Variants in MYO1B observed in about 807,000 individuals in gnomAD.
The protein encoded by MYO1B is unconventional myosin-Ib.
A neutral mutation model predicts 159.7 loss-of-function variants in MYO1B; 72 were observed. The observed-to-expected ratio is 0.45, with a 90% CI of 0.37 to 0.55. MYO1B has a LOEUF of 0.55. Ranked by LOEUF, MYO1B falls within the 20% of genes least tolerant of loss-of-function variation. MYO1B has a pLI of 0.00. For missense variants in MYO1B, 1,062 were observed against 1,364.8 expected (o/e 0.78, Z 3.50); for synonymous variants, 468 against 473.8 (o/e 0.99, Z 0.16).
chr2:191,398,901 A>G (rs1696395405), intron 21 of MYO1B, among the ~76,000 whole-genome samples: 1 of 152,260 alleles, frequency 6.6e-6, no homozygotes, highest in East Asian at 1.9e-4. Flanking sequence ...GCTCTTTGGG[A>G]GGCCAAGGCA....
In MYO1B at chr2:191,250,355, C is replaced by T. The variant is rs78810536; in HGVS notation, c.-10+4729C>T. Among the ~76,000 whole-genome samples the T allele has an allele frequency of 3.0e-3, 457 of 152,182 alleles. 7 individuals carry two copies. The highest frequency in any genetic ancestry group is 4.6e-3 in the East Asian group (24 of 5,178). On this transcript the variant is annotated intron_variant, in intron 1 of 30. Transcript: ENST00000392318. ...CAGGTTCAGAACCCTGACTGAGGTCCAAAAAATGATATATAAACTACCATT... is the reference window on the plus strand; with the variant it reads ...CAGGTTCAGAACCCTGACTGAGGTCTAAAAAATGATATATAAACTACCATT...
At chr2:191,367,708 ATGGTGTTTTGAAATTATG>A (rs948539843) in intron 11 of MYO1B, among the ~76,000 whole-genome samples, 4 of 152,218 alleles carry the variant, frequency 2.6e-5, no homozygotes, top group African/African-American at 7.2e-5. Context: ...TTACAAAAAC[ATGGTGTTTTGAAATTATG>A]TGGTGTTTTG....
At chr2:191,251,229 C>T (rs193008698) in intron 1 of MYO1B, among the ~76,000 whole-genome samples, 98 of 152,270 alleles carry the variant, frequency 6.4e-4, no homozygotes, top group Middle Eastern at 6.8e-3. Flanking sequence ...AGTTTCAGGG[C>T]GTTTGTCTGA....
chr2:191,354,670 G>A (rs540483100), intron 7 of MYO1B, among the ~76,000 whole-genome samples: 6 of 152,270 alleles, frequency 3.9e-5, no homozygotes, highest in Admixed American at 3.9e-4. Flanking sequence ...AAGTTTGGGT[G>A]TTTCACAGTA....
intron 3 of MYO1B, among the ~76,000 whole-genome samples, chr2:191,300,910 G>C (rs867521089): frequency 3.3e-5 from 5 of 151,926 alleles, no homozygotes; most frequent in Admixed American, 2.0e-4. Flanking sequence ...ATTCCATTTT[G>C]TATAAGTATA....
At chr2:191,408,944 A>C in intron 25 of MYO1B, 100 bp from the exon 26 acceptor site, 1 of 1,288,612 alleles carries the variant, frequency 7.8e-7, no homozygotes, top group South Asian at 1.6e-5. Flanking sequence ...AAGTTAAATA[A>C]ATTCTACTAT....
At chr2:191,368,434 T>G (rs1694148934) in intron 11 of MYO1B, among the ~76,000 whole-genome samples, 1 of 152,180 alleles carries the variant, frequency 6.6e-6, no homozygotes, top group East Asian at 1.9e-4. Context: ...GTATTAAACA[T>G]CTCATTAGTA....
At chr2:191,357,599 T>A (rs1693384895) in intron 7 of MYO1B, among the ~76,000 whole-genome samples, 1 of 152,226 alleles carries the variant, frequency 6.6e-6, no homozygotes, top group South Asian at 2.1e-4. Context: ...TAATAACTCT[T>A]CTTTACTAAG....
At chr2:191,308,216 G>C (rs1462206826) in intron 3 of MYO1B, among the ~76,000 whole-genome samples, 1 of 152,164 alleles carries the variant, frequency 6.6e-6, no homozygotes, top group Non-Finnish European at 1.5e-5. Flanking sequence ...CTGTTACCCA[G>C]GAAATTCCAA....
chr2:191,404,981 T>C (rs1696827253), intron 24 of MYO1B, among the ~76,000 whole-genome samples: 1 of 152,218 alleles, frequency 6.6e-6, no homozygotes, highest in Non-Finnish European at 1.5e-5. Context: ...CTTCCTTTCC[T>C]GAAAGATTTC....
rs1280401068 is a variant in MYO1B at position 191,245,641 on chromosome 2, T to C, written c.-10+15T>C. On this transcript the variant is annotated intron_variant, in intron 1 of 30. Transcript: ENST00000392318. ...CGCCAGGCGAGGTAGCGCGAGCGCT[T>C]TCTCTCTCTCTCCCCTGCCCTTCCC... The C allele has an allele frequency of 6.6e-6, 1 of 151,782 alleles. No individual in the cohort carries two copies. Among genetic ancestry groups the C allele is most frequent in the Non-Finnish European group, 1.5e-5 (1 of 67,934 alleles). The allele number at this position is 151,782 out of a possible 1,614,324, so 9.4% of individuals were successfully genotyped here. A position where few individuals can be genotyped will look rare whatever the true frequency, so the allele number is the denominator to read the frequency against.
At chr2:191,297,253 C>T (rs984083028) in intron 3 of MYO1B, among the ~76,000 whole-genome samples, 10 of 152,312 alleles carry the variant, frequency 6.6e-5, no homozygotes, top group African/African-American at 2.2e-4. Flanking sequence ...GCCTCCTCTC[C>T]TGTGGGCATG....
intron 11 of MYO1B, among the ~76,000 whole-genome samples, chr2:191,369,119 G>T (rs1424314261): frequency 6.6e-6 from 1 of 152,168 alleles, no homozygotes; most frequent in Non-Finnish European, 1.5e-5. Flanking sequence ...TAAGTAGACA[G>T]TTGTTTAATT....
intron 17 of MYO1B, chr2:191,387,693 G>T: frequency 1.8e-6 from 1 of 545,072 alleles, no homozygotes; most frequent in Non-Finnish European, 3.3e-6. Context: ...AAACTCAGTG[G>T]TTGAGACCTA....
rs551169413 is a variant in MYO1B, at chr2:191,398,423, A to ACCC, written c.2295+1933_2295+1935dup. Reference sequence around the variant, plus strand: ...GGGCGGCTGGCCGGGCGGGGGGCTGACCCCCCCCCACCTCCCTCCCGGACG... The same window carrying ACCC: ...GGGCGGCTGGCCGGGCGGGGGGCTGACCCCCCCCCCCCACCTCCCTCCCGGACG... On this transcript the variant is annotated intron_variant, in intron 21 of 30. Coordinates refer to ENST00000392318, the MANE Select transcript of MYO1B (RefSeq NM_001130158.3). Among the ~76,000 whole-genome samples, 58 of 105,028 alleles carry ACCC rather than the reference A, an allele frequency of 5.5e-4. 1 individual carries two copies. Among genetic ancestry groups the ACCC allele is most frequent in the African/African-American group, 1.9e-3 (51 of 27,096 alleles). 68.9% of individuals were successfully genotyped at this position (105,028 alleles called of 152,430 possible). A position where few individuals can be genotyped will look rare whatever the true frequency, so the allele number is the denominator to read the frequency against.
At chr2:191,290,278 T>C (rs1204779917) in intron 2 of MYO1B, among the ~76,000 whole-genome samples, 1 of 152,220 alleles carries the variant, frequency 6.6e-6, no homozygotes, top group Non-Finnish European at 1.5e-5. Flanking sequence ...CCATTGTTTC[T>C]CTGCTTGCAG....
At chr2:191,415,442 G>C (rs1437282927) in intron 29 of MYO1B, among the ~76,000 whole-genome samples, 1 of 152,096 alleles carries the variant, frequency 6.6e-6, no homozygotes, top group African/African-American at 2.4e-5. Flanking sequence ...TAACTTAAAG[G>C]GGGCATATCA....
At chr2:191,403,353 C>T (rs561996203) in intron 24 of MYO1B, among the ~76,000 whole-genome samples, 1 of 152,282 alleles carries the variant, frequency 6.6e-6, no homozygotes, top group Non-Finnish European at 1.5e-5. Flanking sequence ...GTAGGGTACA[C>T]TTATGTGTAC....
intron 2 of MYO1B, among the ~76,000 whole-genome samples, chr2:191,295,383 A>C (rs1688922413): frequency 6.6e-6 from 1 of 152,202 alleles, no homozygotes; most frequent in Non-Finnish European, 1.5e-5. Flanking sequence ...AGTTTAGTAC[A>C]TGCTAAAATA....
Sources: allele counts gnomAD v4.1 joint callset (sites outside exome capture counted in the v4.1 genomes callset), GRCh38; gene constraint gnomAD v4.1.1; transcripts MANE v1.5; gene names NCBI Gene and HGNC (gene_info 2026-07-23, HGNC 2026-07-21).